The following CAMK1 variants were observed in gnomAD, a reference collection of about 807,000 sequenced individuals.
CAMK1 encodes calcium/calmodulin-dependent protein kinase type 1.
Under a neutral mutation model 49.1 loss-of-function variants are expected in CAMK1, and 39 were observed. That is an observed-to-expected ratio of 0.79 (90% confidence interval 0.62 to 1.04). CAMK1 has a LOEUF of 1.04. Among genes scored for constraint, CAMK1 ranks in the 50% least tolerant of loss-of-function variants. The pLI is 0.00. For synonymous variants in CAMK1, 192 were observed against 185.2 expected (o/e 1.04, Z -0.30); for missense variants, 457 against 472.2 (o/e 0.97, Z 0.30).
Position 9,759,491 on chromosome 3 carries a change from C to T in CAMK1, c.909G>A (p.Trp303Ter). 1 of 1,614,178 alleles carries T rather than the reference C, an allele frequency of 6.2e-7. No individual in the cohort carries two copies. The highest frequency in any genetic ancestry group is 1.3e-5 in the African/African-American group (1 of 75,042). ...AGAACTAGGGATATGGACTCACCTTCCACTTGCTCTTGGCAAAGTTCTTCT... is the reference window on the plus strand; with the variant it reads ...AGAACTAGGGATATGGACTCACCTTTCACTTGCTCTTGGCAAAGTTCTTCT... ...QIKKNFAKSK[W>*]KQAFNATAVV... The change falls in exon 10 of 12, where the codon TGG (tryptophan) becomes TGA (stop). Residue 303 changes from tryptophan to a stop codon, truncating the protein, a stop_gained. Coordinates refer to ENST00000256460, the MANE Select transcript of CAMK1 (RefSeq NM_003656.5). LOFTEE classifies it high-confidence loss of function.
At chr3:9,767,916 A>G in intron 1 of CAMK1, 135 bp from the exon 2 acceptor site, 2 of 1,295,674 alleles carry the variant, frequency 1.5e-6, no homozygotes, top group Non-Finnish European at 2.0e-6. Flanking sequence ...CATTCAACAA[A>G]CATTCATTTG....
chr3:9,758,332 C>G (rs1218460721), intron 10 of CAMK1: 1 of 155,364 alleles, frequency 6.4e-6, no homozygotes, highest in East Asian at 1.9e-4. Flanking sequence ...AAAACCATCC[C>G]CCCAAAACAT....
intron 4 of CAMK1, 26 bp from the exon 5 acceptor site, chr3:9,763,078 G>T: frequency 1.2e-6 from 2 of 1,614,122 alleles, no homozygotes; most frequent in African/African-American, 2.7e-5. Context: ...GGGCAGTCTG[G>T]CAAAGAGGGT....
chr3:9,759,137 G>A (rs1403553795), intron 10 of CAMK1: 1 of 1,432,766 alleles, frequency 7.0e-7, no homozygotes, highest in Non-Finnish European at 9.8e-7. Context: ...TCCCGGAATG[G>A]CTATAGACAT....
chr3:9,759,390 T>C, intron 10 of CAMK1, 98 bp downstream of exon 10: 1 of 1,568,764 alleles, frequency 6.4e-7, no homozygotes, highest in South Asian at 1.1e-5. Flanking sequence ...AGTTACTGTG[T>C]GCCCAGTGTG....
At chr3:9,763,419 A>C (rs949480426) in intron 3 of CAMK1, among the ~76,000 whole-genome samples, 20 of 151,524 alleles carry the variant, frequency 1.3e-4, no homozygotes, top group African/African-American at 2.9e-4. Flanking sequence ...AAAAAAAAAA[A>C]AAACAGCGGT....
At chr3:9,764,028 G>T (rs923682094) in intron 3 of CAMK1, among the ~76,000 whole-genome samples, 1 of 152,100 alleles carries the variant, frequency 6.6e-6, no homozygotes, top group African/African-American at 2.4e-5. Context: ...TTACATGTTT[G>T]TCAGCCTCCC....
rs1416257086 is a variant in CAMK1, at chr3:9,760,887, ACT to A, written c.633-121_633-120del. 1.2e-5 allele frequency: 17 copies of A among 1,434,914 alleles called. No homozygotes were observed. In the East Asian group the frequency reaches 2.2e-4, roughly 19 times the overall value. 88.9% of individuals were successfully genotyped at this position (1,434,914 alleles called of 1,614,324 possible). On this transcript the variant is annotated intron_variant, in intron 7 of 11. Coordinates refer to ENST00000256460, the MANE Select transcript of CAMK1 (RefSeq NM_003656.5). ...CATGGAAGGAGTTCCCCCTTTATAA[ACT>A]CTACCAGCCCTGCCTGCTCACTCCT...
intron 7 of CAMK1, 120 bp downstream of exon 7, chr3:9,761,341 T>TGGAA: frequency 1.0e-6 from 1 of 984,702 alleles, no homozygotes; most frequent in Non-Finnish European, 1.5e-6. Flanking sequence ...AATTGATTGG[T>TGGAA]GGAAGGAAGG....
chr3:9,759,851 C>G, intron 8 of CAMK1, 101 bp from the exon 9 acceptor site: 1 of 1,600,948 alleles, frequency 6.2e-7, no homozygotes, highest in Middle Eastern at 1.7e-4. Context: ...GGCATCAAGA[C>G]AAAGAGGCCA....
intron 10 of CAMK1, 100 bp downstream of exon 10, chr3:9,759,388 T>G: frequency 6.4e-7 from 1 of 1,563,744 alleles, no homozygotes; most frequent in South Asian, 1.1e-5. Flanking sequence ...GCAGTTACTG[T>G]GTGCCCAGTG....
Position 9,767,746 on chromosome 3 carries a change from G to A in CAMK1, c.4C>T (p.Leu2=), listed in dbSNP as rs944264337. The change falls in exon 2 of 12, where the codon CTG becomes TTG. Residue 2 remains leucine, a synonymous_variant. Transcript: ENST00000256460. The part of the protein sequence containing the change: M[L]GAVEGPRWKQ... The stretch of plus-strand genomic sequence containing the variant: ...CACCTGGGGCCTTCCACTGCCCCCA[G>A]CATGGCCCACTGCCCCCCGACCACA... 9.3e-6 allele frequency: 15 copies of A among 1,613,806 alleles called. No individual in the cohort carries two copies. The highest frequency in any genetic ancestry group is 1.6e-4 in the Middle Eastern group (1 of 6,084).
In CAMK1 at chr3:9,761,758, C is replaced by A; in HGVS notation, c.430-1G>T. 6.2e-7 allele frequency: 1 copy of A among 1,613,882 alleles called. No individual in the cohort carries two copies. The highest frequency in any genetic ancestry group is 8.5e-7 in the Non-Finnish European group (1 of 1,179,934). On this transcript the variant is annotated splice_acceptor_variant, in intron 5 of 11. Transcript: ENST00000256460. LOFTEE classifies it high-confidence loss of function. ...GGCTGTAGTACAGCAGATTCTCTGG[C>A]TTGAAGGGCAGGAGGGAAGAGAAGG...
chr3:9,767,613 C>T, intron 2 of CAMK1, 54 bp downstream of exon 2: 2 of 1,611,040 alleles, frequency 1.2e-6, no homozygotes, highest in Non-Finnish European at 8.5e-7. Flanking sequence ...GGAAGCCCCA[C>T]CCTGGACTCA....
chr3:9,763,078 G>A, intron 4 of CAMK1, 26 bp from the exon 5 acceptor site: 5 of 1,614,122 alleles, frequency 3.1e-6, no homozygotes, highest in Non-Finnish European at 4.2e-6. Flanking sequence ...GGGCAGTCTG[G>A]CAAAGAGGGT....
At position 9,761,665 on chromosome 3, in the gene CAMK1, C is replaced by T. The variant is rs778829061; in HGVS notation, c.522G>A (p.Val174=). Residue 174 remains valine, a synonymous_variant, in exon 6 of 12, where the codon GTG becomes GTA. Coordinates refer to ENST00000256460, the MANE Select transcript of CAMK1 (RefSeq NM_003656.5). ...GLSKMEDPGS[V]LSTACGTPGY... ...CCGGAGTTCCACAGGCGGTGGAGAG[C>T]ACACTGCCCGGGTCCTCCATCTTGG... 5.0e-6 allele frequency: 8 copies of T among 1,614,184 alleles called. No individual in the cohort carries two copies. The highest frequency in any genetic ancestry group is 4.2e-6 in the Non-Finnish European group (5 of 1,180,018).
At chr3:9,765,324 T>G (rs1433700175) in intron 3 of CAMK1, among the ~76,000 whole-genome samples, 1 of 152,112 alleles carries the variant, frequency 6.6e-6, no homozygotes, top group Non-Finnish European at 1.5e-5. Context: ...ACAGGAGGTT[T>G]CATATCAGCA....
Position 9,760,767 on chromosome 3 carries a change from G to T in CAMK1, c.634C>A (p.Leu212Ile), listed in dbSNP as rs756971878. 5.0e-6 allele frequency: 8 copies of T among 1,613,938 alleles called. No individual in the cohort carries two copies. Among genetic ancestry groups the T allele is most frequent in the Non-Finnish European group, 6.8e-6 (8 of 1,179,940 alleles). Residue 212 changes from leucine to isoleucine, a missense_variant and splice_region_variant, in exon 8 of 12, where the codon CTC becomes ATC. Transcript: ENST00000256460. ...TCATAGAAGGGAGGGTAACCGCAGA[G>T]CCTGGGCAGGGAGAAACTCATCCTC... ...WSIGVIAYIL[L>I]CGYPPFYDEN...
At chr3:9,767,573 G>A in intron 2 of CAMK1, 94 bp downstream of exon 2, 2 of 1,528,506 alleles carry the variant, frequency 1.3e-6, no homozygotes, top group Non-Finnish European at 1.8e-6. Context: ...GGCCTGGGCT[G>A]TGGGAAACAG....
Sources: allele counts gnomAD v4.1 joint callset (sites outside exome capture counted in the v4.1 genomes callset), GRCh38; gene constraint gnomAD v4.1.1; transcripts MANE v1.5; gene names NCBI Gene and HGNC (gene_info 2026-07-23, HGNC 2026-07-21).